Variants in RIBC2 observed in about 807,000 individuals in gnomAD.
RIBC2 encodes the protein RIB43A domain with coiled-coils 2, also known as RIB43A-like with coiled-coils protein 2.
RIBC2 carries 40 observed loss-of-function variants against 44.3 expected under a neutral mutation model. The observed-to-expected ratio is 0.90, with a 90% CI of 0.70 to 1.18. The LOEUF is 1.18. Among genes scored for constraint, RIBC2 ranks in the 50% most tolerant of loss-of-function variants. The probability of loss-of-function intolerance (pLI) is 0.00; values close to 1 mark genes in which losing one functional copy is unlikely to be tolerated. For missense variants in RIBC2, 459 were observed against 485.5 expected (o/e 0.95, Z 0.51); for synonymous variants, 171 against 175.0 (o/e 0.98, Z 0.18).
At position 45,422,359 on chromosome 22, in the gene RIBC2, C is replaced by A. The variant is rs772235200; in HGVS notation, c.626C>A (p.Thr209Asn). 29 of 1,614,166 alleles carry A rather than the reference C, an allele frequency of 1.8e-5. No individual in the cohort carries two copies. The highest frequency in any genetic ancestry group is 2.5e-5 in the Non-Finnish European group (29 of 1,180,026). ...TAKHLQKLES[T>N]TRKAVCASVK... ...AAGCACCTCCAGAAGCTGGAAAGCA[C>A]CACCAGAAAGGCAGTTTGTGCATCT... The change falls in exon 4 of 7, where the codon ACC (threonine) becomes AAC (asparagine). Residue 209 changes from threonine to asparagine, a missense_variant. Coordinates refer to ENST00000614167, the MANE Select transcript of RIBC2 (RefSeq NM_015653.5).
intron 3 of RIBC2, among the ~76,000 whole-genome samples, chr22:45,419,623 A>G (rs998499587): frequency 2.6e-5 from 4 of 151,972 alleles, no homozygotes; most frequent in Non-Finnish European, 5.9e-5. Flanking sequence ...AGTCCCAGCT[A>G]CTCAGGAGGC....
At chr22:45,428,529 G>C (rs1291137383) in intron 5 of RIBC2, among the ~76,000 whole-genome samples, 2 of 152,156 alleles carry the variant, frequency 1.3e-5, no homozygotes, top group Non-Finnish European at 2.9e-5. Context: ...TGAGGGCTTG[G>C]TGTGGCCTCT....
rs748727001 is a variant in RIBC2, at chr22:45,429,988, G to A, written c.904-912G>A. On this transcript the variant is annotated intron_variant, in intron 5 of 6. Transcript: ENST00000614167. Reference sequence around the variant, plus strand: ...GGGCTGTCTGCTTTGCTCTTAGCCCGGGTGAGTGTGTCCCATGCCATTCCC... The same window carrying A: ...GGGCTGTCTGCTTTGCTCTTAGCCCAGGTGAGTGTGTCCCATGCCATTCCC... Among the ~76,000 whole-genome samples, 9 of 152,242 alleles carry A rather than the reference G, an allele frequency of 5.9e-5. No individual in the cohort carries two copies. The South Asian group carries it at 1.2e-3, about 21-fold the overall frequency.
chr22:45,430,675 A>T (rs1014539613), intron 5 of RIBC2, among the ~76,000 whole-genome samples: 29 of 152,146 alleles, frequency 1.9e-4, no homozygotes, highest in African/African-American at 6.3e-4. Context: ...TAGGAGAAGG[A>T]GGACGGCCAG....
In RIBC2 at chr22:45,417,934, C is replaced by T; in HGVS notation, c.544C>T (p.Gln182Ter). Residue 182 changes from glutamine to a stop codon, truncating the protein, a stop_gained, in exon 3 of 7, where the codon CAA (glutamine) becomes TAA (stop). Transcript: ENST00000614167. LOFTEE classifies it high-confidence loss of function. ...QREWKNARAE[Q>*]KCAEALYTET... The stretch of plus-strand genomic sequence containing the variant: ...GGAATGGAAGAACGCCCGTGCTGAA[C>T]AAAAATGCGCAGGTAATGAAACAGA... 1.3e-6 allele frequency: 2 copies of T among 1,580,974 alleles called. No individual in the cohort carries two copies. Among genetic ancestry groups the T allele is most frequent in the Non-Finnish European group, 1.7e-6 (2 of 1,160,862 alleles).
chr22:45,417,627 A>G lies in RIBC2; in HGVS notation c.237A>G (p.Lys79=), dbSNP rs2087437321. ...TFAAEMRQND[K]IMCILENRKK... is the part of the protein sequence containing the mutation. ...CTGCTGAAATGAGGCAAAATGACAAAATCATGTGCATATTGGAAAACCGGA... is the reference window on the plus strand; with the variant it reads ...CTGCTGAAATGAGGCAAAATGACAAGATCATGTGCATATTGGAAAACCGGA... Residue 79 remains lysine, a synonymous_variant, in exon 3 of 7, where the codon AAA becomes AAG. Coordinates refer to ENST00000614167, the MANE Select transcript of RIBC2 (RefSeq NM_015653.5). The G allele has an allele frequency of 6.2e-7, 1 of 1,611,266 alleles. No homozygotes were observed. Among genetic ancestry groups the G allele is most frequent in the African/African-American group, 1.3e-5 (1 of 74,856 alleles).
At chr22:45,429,549 G>A (rs2087561144) in intron 5 of RIBC2, among the ~76,000 whole-genome samples, 1 of 152,110 alleles carries the variant, frequency 6.6e-6, no homozygotes. Context: ...TGAGGAGTGG[G>A]TGGGGCAGCT....
chr22:45,414,135 T>C, intron 1 of RIBC2, 120 bp downstream of exon 1: 2 of 1,485,500 alleles, frequency 1.3e-6, no homozygotes, highest in Non-Finnish European at 1.8e-6. Context: ...GCAAACGGCC[T>C]CCTGCAGGGC....
At chr22:45,420,090 C>T (rs2087463762) in intron 3 of RIBC2, among the ~76,000 whole-genome samples, 1 of 152,180 alleles carries the variant, frequency 6.6e-6, no homozygotes, top group Admixed American at 6.5e-5. Context: ...ACAGAGTAAA[C>T]ATTTCACTCA....
chr22:45,417,959 A>G lies in RIBC2; in HGVS notation c.556+13A>G, dbSNP rs2087442091. 1 of 1,560,750 alleles carries G rather than the reference A, an allele frequency of 6.4e-7. No homozygotes were observed. The highest frequency in any genetic ancestry group is 8.7e-7 in the Non-Finnish European group (1 of 1,150,650). Reference sequence around the variant, plus strand: ...CAAAAATGCGCAGGTAATGAAACAGAAGAGACGAGCTGGTCTCAACGCTCT... The same window carrying G: ...CAAAAATGCGCAGGTAATGAAACAGGAGAGACGAGCTGGTCTCAACGCTCT... On this transcript the variant is annotated intron_variant, in intron 3 of 6. Transcript: ENST00000614167.
intron 3 of RIBC2, among the ~76,000 whole-genome samples, chr22:45,421,463 G>C (rs2087477443): frequency 6.9e-6 from 1 of 145,916 alleles, no homozygotes; most frequent in South Asian, 2.1e-4. Context: ...TCTCTTGGAT[G>C]TCTAATGCAC....
intron 5 of RIBC2, 146 bp downstream of exon 5, chr22:45,426,321 CAA>C (rs1290249513): frequency 2.2e-5 from 15 of 678,456 alleles, no homozygotes; most frequent in East Asian, 1.6e-4. Context: ...CGGTGGGAGA[CAA>C]GAGCCAGATA....
intron 4 of RIBC2, among the ~76,000 whole-genome samples, chr22:45,424,760 T>TC (rs1273311155): frequency 6.7e-6 from 1 of 149,266 alleles, no homozygotes; most frequent in Non-Finnish European, 1.5e-5. Context: ...TTTCTTTTTT[T>TC]TTTTTTTTTT....
In RIBC2 at chr22:45,416,650, C is replaced by T. The variant is rs540991744; in HGVS notation, c.212-952C>T. ...CTAATTTTTGTATTTTTAGTAGAGA[C>T]GGGGTTTCACCATCTTGGCCAGGAT... On this transcript the variant is annotated intron_variant, in intron 2 of 6. Transcript: ENST00000614167. 7.9e-5 allele frequency among the ~76,000 whole-genome samples: 12 copies of T among 151,942 alleles called. No homozygotes were observed. The South Asian group carries it at 1.0e-3, about 13-fold the overall frequency.
In RIBC2 at chr22:45,413,735, C is replaced by A. The variant is rs1425870462; in HGVS notation, c.-152C>A. 1.7e-6 allele frequency: 2 copies of A among 1,198,796 alleles called. No individual in the cohort carries two copies. Among genetic ancestry groups the A allele is most frequent in the Non-Finnish European group, 2.3e-6 (2 of 861,106 alleles). 74.3% of individuals were successfully genotyped at this position (1,198,796 alleles called of 1,614,324 possible). A position where few individuals can be genotyped will look rare whatever the true frequency, so the allele number is the denominator to read the frequency against. On this transcript the variant is annotated 5_prime_UTR_variant, in exon 1 of 7. Transcript: ENST00000614167. ...GAGAGCGGGAGCGTCTGTACCTCTG[C>A]GGCGTCACTGGGAGCCCGACGGAAA...
chr22:45,424,142 C>T (rs558456098), intron 4 of RIBC2, among the ~76,000 whole-genome samples: 4 of 152,314 alleles, frequency 2.6e-5, no homozygotes, highest in Middle Eastern at 3.4e-3. Context: ...GTGGATGCCA[C>T]GAGGCAGCAC....
intron 6 of RIBC2, 28 bp downstream of exon 6, chr22:45,431,094 G>C (rs779110051): frequency 6.4e-7 from 1 of 1,557,730 alleles, no homozygotes; most frequent in Non-Finnish European, 8.7e-7. Flanking sequence ...CCAGGGCCAG[G>C]TGGGGGACCG....
chr22:45,430,039 A>T (rs2087565136), intron 5 of RIBC2, among the ~76,000 whole-genome samples: 1 of 152,086 alleles, frequency 6.6e-6, no homozygotes, highest in African/African-American at 2.4e-5. Flanking sequence ...AGCTTGTGTG[A>T]TGACCCTGGG....
chr22:45,428,353 G>A (rs149768369), intron 5 of RIBC2, among the ~76,000 whole-genome samples: 85 of 152,342 alleles, frequency 5.6e-4, no homozygotes, highest in African/African-American at 1.9e-3. Context: ...GCTGGTGGGG[G>A]CCATGAGGTG....
Sources: allele counts gnomAD v4.1 joint callset (sites outside exome capture counted in the v4.1 genomes callset), GRCh38; gene constraint gnomAD v4.1.1; transcripts MANE v1.5; gene names NCBI Gene and HGNC (gene_info 2026-07-23, HGNC 2026-07-21).